The following SOD2 variants were observed in gnomAD, a reference collection of about 807,000 sequenced individuals.
SOD2 encodes superoxide dismutase [Mn], mitochondrial.
In SOD2, 11 loss-of-function variants were observed where a neutral mutation model predicts 27.0. That is an observed-to-expected ratio of 0.41 (90% CI 0.26 to 0.67). SOD2 has a LOEUF of 0.67. Among genes scored for constraint, SOD2 ranks in the 30% least tolerant of loss-of-function variants. SOD2 has a pLI of 0.34. For synonymous variants in SOD2, 105 were observed against 103.0 expected (o/e 1.02, Z -0.12); for missense variants, 250 against 274.5 (o/e 0.91, Z 0.63).
intron 3 of SOD2, among the ~76,000 whole-genome samples, chr6:159,687,708 G>A (rs1398451128): frequency 6.6e-6 from 1 of 151,876 alleles, no homozygotes; most frequent in Admixed American, 6.6e-5. Context: ...GATACCTCTG[G>A]TAAGAATAAG....
chr6:159,746,984 C>T (rs1345789979), upstream of SOD2, among the ~76,000 whole-genome samples: 1 of 152,158 alleles, frequency 6.6e-6, no homozygotes, highest in Non-Finnish European at 1.5e-5. Flanking sequence ...GGTTTATTCT[C>T]GCTCTGTTAT....
intron 2 of SOD2, 115 bp downstream of exon 2, chr6:159,692,546 C>A: frequency 6.6e-7 from 1 of 1,520,220 alleles, no homozygotes; most frequent in South Asian, 1.3e-5. Context: ...AAACTCGGAA[C>A]CGGTACAAAT....
At chr6:159,693,282 G>T (rs1001483563), upstream of SOD2, 12 of 899,630 alleles carry the variant, frequency 1.3e-5, no homozygotes, top group African/African-American at 1.8e-5. Flanking sequence ...AAAGCGCGGG[G>T]AGCAGGGCCG....
upstream of SOD2, chr6:159,693,257 C>T: frequency 7.8e-7 from 1 of 1,286,750 alleles, no homozygotes; most frequent in Non-Finnish European, 1.1e-6. Context: ...TCCTGCGCCG[C>T]CCGCGGGCCT....
chr6:159,692,597 G>A (rs777515032), intron 2 of SOD2, 64 bp downstream of exon 2: 2 of 1,599,970 alleles, frequency 1.3e-6, no homozygotes, highest in African/African-American at 2.7e-5. Context: ...CGTCCGTATG[G>A]GGCCTGGCTC....
chr6:159,733,255 A>G (rs1049138042), intron 1 of SOD2, among the ~76,000 whole-genome samples: 11 of 152,214 alleles, frequency 7.2e-5, no homozygotes, highest in African/African-American at 2.2e-4. Context: ...AGTGAAACAG[A>G]CTGTATACAA....
At position 159,676,469 on chromosome 6, in the gene SOD2, C is replaced by G. The variant is rs1217279911; in HGVS notation, c.*6024G>C. On this transcript the variant is annotated 3_prime_UTR_variant, in exon 5 of 5. Coordinates refer to ENST00000538183, the MANE Select transcript of SOD2 (RefSeq NM_000636.4). ...ATAGGGACATGGATGAAGCTGGAAA[C>G]CATCCTTCTCAGCAAACTATTCCAA... The G allele has an allele frequency of 6.6e-6, 1 of 152,086 alleles. No homozygotes were observed. Among genetic ancestry groups the G allele is most frequent in the African/African-American group, 2.4e-5 (1 of 41,398 alleles). The allele number at this position is 152,086 out of a possible 1,614,324, so 9.4% of individuals were successfully genotyped here. A position where few individuals can be genotyped will look rare whatever the true frequency, so the allele number is the denominator to read the frequency against.
intron 1 of SOD2, chr6:159,739,153 C>A: frequency 2.3e-6 from 2 of 878,894 alleles, no homozygotes; most frequent in Non-Finnish European, 3.4e-6. Context: ...TTGTTCTATC[C>A]TCAAATAATT....
chr6:159,670,360 T>TTTCTA lies in SOD2; in HGVS notation c.*12132_*12133insTAGAA, dbSNP rs1779628858. The TTTCTA allele has an allele frequency of 6.6e-6, 1 of 152,144 alleles. No homozygotes were observed. The highest frequency in any genetic ancestry group is 1.5e-5 in the Non-Finnish European group (1 of 68,034). The allele number at this position is 152,144 out of a possible 1,614,324, so 9.4% of individuals were successfully genotyped here. A position where few individuals can be genotyped will look rare whatever the true frequency, so the allele number is the denominator to read the frequency against. ...TTTTTAAATTGTTTTCTGGTAAAAA[T>TTTCTA]GCTAACAGTAACTAGGAGCTAAAAG... On this transcript the variant is annotated 3_prime_UTR_variant, in exon 5 of 5. Transcript: ENST00000538183.
At chr6:159,742,515 A>G (rs1779319511) in intron 1 of SOD2, among the ~76,000 whole-genome samples, 1 of 152,198 alleles carries the variant, frequency 6.6e-6, no homozygotes, top group Non-Finnish European at 1.5e-5. Context: ...AACAGAAGCA[A>G]CCAGTAACAG....
chr6:159,681,856 C>T lies in SOD2; in HGVS notation c.*637G>A, dbSNP rs374894105. On this transcript the variant is annotated 3_prime_UTR_variant, in exon 5 of 5. Transcript: ENST00000538183. ...CCTGCAAATAAACATCCTCCTTTCTCCTACTGCAAAAACCACCTTTTTGCA... is the reference window on the plus strand; with the variant it reads ...CCTGCAAATAAACATCCTCCTTTCTTCTACTGCAAAAACCACCTTTTTGCA... 6.6e-6 allele frequency: 1 copy of T among 152,226 alleles called. No homozygotes were observed. The highest frequency in any genetic ancestry group is 2.4e-5 in the African/African-American group (1 of 41,446). The allele number at this position is 152,226 out of a possible 1,614,324, so 9.4% of individuals were successfully genotyped here.
At chr6:159,720,176 G>A (rs1467994593) in intron 1 of SOD2, among the ~76,000 whole-genome samples, 11 of 151,526 alleles carry the variant, frequency 7.3e-5, no homozygotes, top group African/African-American at 1.9e-4. Context: ...GATTACAGAC[G>A]CCCGCCACCA....
chr6:159,745,316 G>T (rs914867250), upstream of SOD2: 2 of 152,138 alleles, frequency 1.3e-5, no homozygotes, highest in Non-Finnish European at 2.9e-5. Flanking sequence ...TGTCCTATAT[G>T]CGCTGGCAGT....
At chr6:159,727,721 G>GGCGGGA, upstream of SOD2, 1 of 985,548 alleles carries the variant, frequency 1.0e-6, no homozygotes, top group East Asian at 1.1e-4. Flanking sequence ...CGGGCCGGCT[G>GGCGGGA]GCGGGAGCGG....
chr6:159,695,391 A>C (rs889292043), upstream of SOD2, among the ~76,000 whole-genome samples: 1 of 152,202 alleles, frequency 6.6e-6, no homozygotes, highest in Non-Finnish European at 1.5e-5. Flanking sequence ...AGAATCTCCA[A>C]CATCACACCT....
upstream of SOD2, among the ~76,000 whole-genome samples, chr6:159,697,860 C>G (rs1010265101): frequency 1.3e-5 from 2 of 152,222 alleles, no homozygotes; most frequent in African/African-American, 4.8e-5. Flanking sequence ...TGCGTATATG[C>G]CCAGCACCAT....
intron 1 of SOD2, chr6:159,713,779 TA>T: frequency 2.1e-6 from 2 of 971,514 alleles, no homozygotes; most frequent in Non-Finnish European, 1.7e-6. Context: ...TCTCTGTCTT[TA>T]AAGCCAATTT....
intron 1 of SOD2, among the ~76,000 whole-genome samples, chr6:159,711,650 T>A (rs370400127): frequency 0.087 from 1,028 of 11,824 alleles, 23 homozygotes; most frequent in South Asian, 0.11. Context: ...CCACCTCCAA[T>A]ACCACCACTC....
chr6:159,692,350 T>A, intron 2 of SOD2: 1 of 1,196,276 alleles, frequency 8.4e-7, no homozygotes. Context: ...AGAGCTTTCT[T>A]TTCAGGCCCT....
Sources: allele counts gnomAD v4.1 joint callset (sites outside exome capture counted in the v4.1 genomes callset), GRCh38; gene constraint gnomAD v4.1.1; transcripts MANE v1.5; gene names NCBI Gene and HGNC (gene_info 2026-07-23, HGNC 2026-07-21).